Variants in CTSA observed in about 807,000 individuals in gnomAD.
The protein encoded by CTSA is lysosomal protective protein.
Under a neutral mutation model 66.7 loss-of-function variants are expected in CTSA, and 42 were observed. The ratio of observed to expected loss-of-function variants is 0.63; its 90% CI spans 0.49 to 0.81. The LOEUF is 0.81. Among genes scored for constraint, CTSA ranks in the 40% least tolerant of loss-of-function variants. The pLI is 0.00. For synonymous variants in CTSA, 225 were observed against 248.6 expected (o/e 0.91, Z 0.89); for missense variants, 525 against 610.9 (o/e 0.86, Z 1.48).
Position 45,897,753 on chromosome 20 carries a change from A to G in CTSA, c.1201A>G (p.Met401Val), listed in dbSNP as rs748078969. 1 of 1,612,478 alleles carries G rather than the reference A, an allele frequency of 6.2e-7. No homozygotes were observed. The highest frequency in any genetic ancestry group is 8.5e-7 in the Non-Finnish European group (1 of 1,178,618). ...CCTATTATATAATGGAGATGTAGAC[A>G]TGGCCTGCAATTTCATGGGGGATGA... is the stretch of plus-strand genomic sequence containing the variant. ...QILLYNGDVD[M>V]ACNFMGDEWF... The change falls in exon 13 of 15, where the codon ATG becomes GTG. Residue 401 changes from methionine (M) to valine (V), a missense_variant. Coordinates refer to ENST00000646241, the MANE Select transcript of CTSA (RefSeq NM_000308.4).
chr20:45,898,740 C>G lies in CTSA; in HGVS notation c.*290C>G. ...ATTCCATCCCAGGAACCCAACAGAGCTCAGGACAGCCCACAGGGAGGTGGT... is the reference window on the plus strand; with the variant it reads ...ATTCCATCCCAGGAACCCAACAGAGGTCAGGACAGCCCACAGGGAGGTGGT... On this transcript the variant is annotated 3_prime_UTR_variant, in exon 15 of 15. Transcript: ENST00000646241. This position sits in a 1 kb window ranked among gnomAD's most constrained non-coding sequence, Gnocchi z 4.6. 1.4e-6 allele frequency: 1 copy of G among 704,592 alleles called. No homozygotes were observed. Among genetic ancestry groups the G allele is most frequent in the Middle Eastern group, 4.0e-4 (1 of 2,500 alleles). 43.6% of individuals were successfully genotyped at this position (704,592 alleles called of 1,614,324 possible). A position where few individuals can be genotyped will look rare whatever the true frequency, so the allele number is the denominator to read the frequency against.
rs1003805541 is a variant in CTSA at position 45,891,628 on chromosome 20, G to A, written c.60G>A (p.Val20=). 3.1e-6 allele frequency: 5 copies of A among 1,611,166 alleles called. No homozygotes were observed. In the Admixed American group the frequency reaches 6.7e-5, roughly 21 times the overall value. The change falls in exon 2 of 15, where the codon GTG becomes GTA. Residue 20 remains valine, a synonymous_variant. Transcript: ENST00000646241. The surrounding 1 kb of genome is among the most constrained non-coding windows in gnomAD (Gnocchi z 4.6). Reference sequence around the variant, plus strand: ...TGCTGCTGCTGCTGCTGCTGCTAGTGTCCTGGGCGTCCCGAGGCGAGGCAG... The same window carrying A: ...TGCTGCTGCTGCTGCTGCTGCTAGTATCCTGGGCGTCCCGAGGCGAGGCAG... The part of the protein sequence containing the change: ...FLLLLLLLLL[V]SWASRGEAAP...
chr20:45,898,624 G>C lies in CTSA; in HGVS notation c.*174G>C, dbSNP rs2083140642. ...CCCAGGGTCTCCCATAGACAGCCTGGGGGCAAGTTAGCACTTTATTCCCGC... is the reference window on the plus strand; with the variant it reads ...CCCAGGGTCTCCCATAGACAGCCTGCGGGCAAGTTAGCACTTTATTCCCGC... On this transcript the variant is annotated 3_prime_UTR_variant, in exon 15 of 15. Transcript: ENST00000646241. This position sits in a 1 kb window ranked among gnomAD's most constrained non-coding sequence, Gnocchi z 4.6. 1.3e-6 allele frequency: 1 copy of C among 746,472 alleles called. No individual in the cohort carries two copies. Among genetic ancestry groups the C allele is most frequent in the Admixed American group, 2.1e-5 (1 of 48,470 alleles). The allele number at this position is 746,472 out of a possible 1,614,324, so 46.2% of individuals were successfully genotyped here.
rs760157926 is a variant in CTSA at position 45,892,397 on chromosome 20, G to T, written c.358-1G>T. On this transcript the variant is annotated splice_acceptor_variant, in intron 4 of 14. Coordinates refer to ENST00000646241, the MANE Select transcript of CTSA (RefSeq NM_000308.4). LOFTEE classifies it high-confidence loss of function. ...TTAGCTAATTTTTCCCTCCCCTCTA[G>T]ATTGCCAATGTGTTATACCTGGAGT... is the stretch of plus-strand genomic sequence containing the variant. The T allele has an allele frequency of 6.2e-7, 1 of 1,614,166 alleles. No homozygotes were observed. The highest frequency in any genetic ancestry group is 1.7e-5 in the Admixed American group (1 of 60,014).
chr20:45,897,819 T>A lies in CTSA; in HGVS notation c.1254+13T>A. 1 of 1,592,700 alleles carries A rather than the reference T, an allele frequency of 6.3e-7. No individual in the cohort carries two copies. The highest frequency in any genetic ancestry group is 8.6e-7 in the Non-Finnish European group (1 of 1,160,498). Reference sequence around the variant, plus strand: ...CCTCAACCAGAAGGTAAGGTAGAGATTCCTGGCCCTGGGATAGGGGCTGCT... The same window carrying A: ...CCTCAACCAGAAGGTAAGGTAGAGAATCCTGGCCCTGGGATAGGGGCTGCT... On this transcript the variant is annotated intron_variant, in intron 13 of 14. Coordinates refer to ENST00000646241, the MANE Select transcript of CTSA (RefSeq NM_000308.4).
chr20:45,895,766 G>A lies in CTSA; in HGVS notation c.1088+633G>A, dbSNP rs955775643. Among the ~76,000 whole-genome samples, 3 of 152,132 alleles carry A rather than the reference G, an allele frequency of 2.0e-5. No homozygotes were observed. The East Asian group carries it at 5.8e-4, about 29-fold the overall frequency. ...TGGCTAATTTTTAAAAAATTTTTTT[G>A]TAGAGACAGGGTCTCACTATGTTGT... On this transcript the variant is annotated intron_variant, in intron 11 of 14. Transcript: ENST00000646241.
chr20:45,895,633 A>G (rs1308857344), intron 11 of CTSA, among the ~76,000 whole-genome samples: 3 of 151,750 alleles, frequency 2.0e-5, no homozygotes, highest in African/African-American at 7.3e-5. Flanking sequence ...ACGTAGCCAC[A>G]TTGGTTGTTG....
At chr20:45,894,516 C>A (rs1987134994) in intron 8 of CTSA, 134 bp from the exon 9 acceptor site, 1 of 808,912 alleles carries the variant, frequency 1.2e-6, no homozygotes, top group South Asian at 1.4e-5. Context: ...TGCCACTGAG[C>A]CTCAGTTTCC....
rs1601137451 is a variant in CTSA at position 45,891,480 on chromosome 20, C to G, written c.1-89C>G. 1 of 1,547,278 alleles carries G rather than the reference C, an allele frequency of 6.5e-7. No individual in the cohort carries two copies. The highest frequency in any genetic ancestry group is 1.4e-5 in the African/African-American group (1 of 73,088). On this transcript the variant is annotated intron_variant, in intron 1 of 14. Coordinates refer to ENST00000646241, the MANE Select transcript of CTSA (RefSeq NM_000308.4). The surrounding 1 kb of genome is among the most constrained non-coding windows in gnomAD (Gnocchi z 4.6). ...AGCTGGCGCTGGGGCCGGGGCTTCCCTCGCGGAGGCGCCGCCAGCAACTCC... is the reference window on the plus strand; with the variant it reads ...AGCTGGCGCTGGGGCCGGGGCTTCCGTCGCGGAGGCGCCGCCAGCAACTCC...
At chr20:45,892,555 G>C (rs1190541157) in intron 5 of CTSA, 71 bp downstream of exon 5, 34 of 1,550,070 alleles carry the variant, frequency 2.2e-5, no homozygotes, top group Non-Finnish European at 2.9e-5. Flanking sequence ...CTGGGAGAGA[G>C]AGCATGGCCT....
chr20:45,898,038 T>C lies in CTSA; in HGVS notation c.1288T>C (p.Tyr430His), dbSNP rs1187372222. ...GCAGCGCCGGCCCTGGTTAGTGAAG[T>C]ACGGGGACAGCGGGGAGCAGATTGC... ...EVQRRPWLVK[Y>H]GDSGEQIAGF... The change falls in exon 14 of 15, where the codon TAC becomes CAC. Residue 430 changes from tyrosine to histidine, a missense_variant. Tyr to His is a moderately conservative substitution (Grantham distance 83, BLOSUM62 2). Transcript: ENST00000646241. This position sits in a 1 kb window ranked among gnomAD's most constrained non-coding sequence, Gnocchi z 4.6. The C allele has an allele frequency of 6.2e-7, 1 of 1,614,030 alleles. No homozygotes were observed. Among genetic ancestry groups the C allele is most frequent in the South Asian group, 1.1e-5 (1 of 91,070 alleles).
intron 13 of CTSA, 41 bp from the exon 14 acceptor site, chr20:45,897,964 G>C (rs565007019): frequency 5.0e-6 from 8 of 1,600,432 alleles, no homozygotes; most frequent in South Asian, 1.1e-5. Flanking sequence ...TGTGAGCAAG[G>C]ATGCAGCTGC....
rs1181614265 is a variant in CTSA, at chr20:45,892,083, G to C, written c.306+56G>C. The C allele has an allele frequency of 2.0e-6, 3 of 1,535,750 alleles. No homozygotes were observed. The African/African-American group carries it at 4.1e-5, about 21-fold the overall frequency. On this transcript the variant is annotated intron_variant, in intron 3 of 14. Coordinates refer to ENST00000646241, the MANE Select transcript of CTSA (RefSeq NM_000308.4). ...CCCAAAGTAAAAGGCTGGGGAAAGCGAGAGAGGGGCTTTGTGATTTTCCAA... is the reference window on the plus strand; with the variant it reads ...CCCAAAGTAAAAGGCTGGGGAAAGCCAGAGAGGGGCTTTGTGATTTTCCAA...
intron 11 of CTSA, chr20:45,896,317 C>T (rs1224987570): frequency 6.4e-6 from 1 of 156,512 alleles, no homozygotes; most frequent in East Asian, 2.0e-4. Flanking sequence ...TTTGATTGGT[C>T]AGTGCTCACA....
Position 45,891,807 on chromosome 20 carries a change from G to A in CTSA, c.194+45G>A, listed in dbSNP as rs1181620782. On this transcript the variant is annotated intron_variant, in intron 2 of 14. Coordinates refer to ENST00000646241, the MANE Select transcript of CTSA (RefSeq NM_000308.4). The surrounding 1 kb of genome is among the most constrained non-coding windows in gnomAD (Gnocchi z 4.6). The stretch of plus-strand genomic sequence containing the variant: ...GGGCGGGATTGGGAGAAGAGATGAC[G>A]GATGAGGGATGGGGGGTAGTTCTGC... 3.7e-6 allele frequency: 6 copies of A among 1,612,474 alleles called. No homozygotes were observed. The highest frequency in any genetic ancestry group is 1.1e-5 in the South Asian group (1 of 91,066).
At chr20:45,897,301 G>T in intron 12 of CTSA, 1 of 553,580 alleles carries the variant, frequency 1.8e-6, no homozygotes. Flanking sequence ...TGCCAAAAAT[G>T]GGCCAGCAGA....
chr20:45,893,557 A>G, intron 7 of CTSA: 1 of 538,640 alleles, frequency 1.9e-6, no homozygotes, highest in East Asian at 3.3e-5. Context: ...ATCTTAGCTC[A>G]CTGCAACCTC....
intron 7 of CTSA, 119 bp from the exon 8 acceptor site, chr20:45,893,869 A>G: frequency 1.3e-6 from 1 of 762,540 alleles, no homozygotes; most frequent in Non-Finnish European, 2.4e-6. Context: ...ACACCCTGTG[A>G]TATCTTTCCC....
At position 45,891,622 on chromosome 20, in the gene CTSA, GCTA is replaced by G. The variant is rs544157818; in HGVS notation, c.55_57del (p.Leu19del). 3.4e-6 allele frequency: 5 copies of G among 1,489,288 alleles called. No homozygotes were observed. The East Asian group carries it at 1.5e-4, about 45-fold the overall frequency. 92.3% of individuals were successfully genotyped at this position (1,489,288 alleles called of 1,614,324 possible). On this transcript the variant is annotated inframe_deletion, in exon 2 of 15. Coordinates refer to ENST00000646241, the MANE Select transcript of CTSA (RefSeq NM_000308.4). The surrounding 1 kb of genome is among the most constrained non-coding windows in gnomAD (Gnocchi z 4.6). ...TCCTGCTGCTGCTGCTGCTGCTGCTGCTAGTGTCCTGGGCGTCCCGAGGCGAGG... is the reference window on the plus strand; with the variant it reads ...TCCTGCTGCTGCTGCTGCTGCTGCTGGTGTCCTGGGCGTCCCGAGGCGAGG...
Sources: gnomAD v4.1 joint callset for allele counts (sites outside exome capture counted in the v4.1 genomes callset) on GRCh38, gnomAD v4.1.1 for gene constraint, Gnocchi (gnomAD v3.1) non-coding constraint, MANE v1.5 for transcripts, NCBI Gene and HGNC (gene_info 2026-07-23, HGNC 2026-07-21) for gene names.